The following ERCC6L variants were observed in gnomAD, a reference collection of about 807,000 sequenced individuals.
ERCC6L encodes DNA excision repair protein ERCC-6-like.
A neutral mutation model predicts 20.1 loss-of-function variants in ERCC6L; 7 were observed. That is an observed-to-expected ratio of 0.35 (90% CI 0.20 to 0.65). The LOEUF is 0.65. ERCC6L is among the 30% of genes least tolerant of loss of function. The pLI is 0.69. For missense variants in ERCC6L, 592 were observed against 892.4 expected, an observed-to-expected ratio of 0.66 and a Z score of 4.29; for synonymous variants, 278 against 331.3, an observed-to-expected ratio of 0.84 and a Z score of 1.75.
chrX:72,230,743 C>G (rs1365679106), intron 1 of ERCC6L, among the ~76,000 whole-genome samples: 1 of 111,657 alleles, frequency 9.0e-6, no homozygotes, highest in Non-Finnish European at 1.9e-5. Context: ...GTGGGCAGAT[C>G]GCTTGAGCTC....
intron 1 of ERCC6L, among the ~76,000 whole-genome samples, chrX:72,221,437 G>T (rs2042922555): frequency 9.0e-6 from 1 of 110,552 alleles, no homozygotes; most frequent in Admixed American, 9.7e-5. Context: ...GAGGACGCCG[G>T]GTCTCTGTCT....
Position 72,207,033 on chromosome X carries a change from A to G in ERCC6L, c.1734T>C (p.Asn578=), listed in dbSNP as rs752769595. The part of the protein sequence containing the change: ...DRVYRIGQKE[N]VVVYRLITCG... ...AAGTGATTAGCCTATAAACCACAAC[A>G]TTCTCTTTTTGTCCAATTCGGTAAA... The change falls in exon 2 of 2, where the codon AAT becomes AAC. Residue 578 remains asparagine (N), a synonymous_variant. Coordinates refer to ENST00000334463, the MANE Select transcript of ERCC6L (RefSeq NM_017669.4). 28 of 1,211,662 alleles carry G rather than the reference A, an allele frequency of 2.3e-5. No homozygotes were observed. The highest frequency in any genetic ancestry group is 3.0e-5 in the Non-Finnish European group (27 of 895,463).
rs1447266220 is a variant in ERCC6L at position 72,204,816 on chromosome X, T to A, written c.*198A>T. On this transcript the variant is annotated 3_prime_UTR_variant, in exon 2 of 2. Transcript: ENST00000334463. Reference sequence around the variant, plus strand: ...ATAGAATATGCCTAAAATATAAGAATATTCAAGTGAAGAAATATTAAGCTA... The same window carrying A: ...ATAGAATATGCCTAAAATATAAGAAAATTCAAGTGAAGAAATATTAAGCTA... 9.5e-6 allele frequency: 3 copies of A among 314,300 alleles called. No homozygotes were observed. The highest frequency in any genetic ancestry group is 1.6e-5 in the Non-Finnish European group (3 of 182,500). 25.9% of individuals were successfully genotyped at this position (314,300 alleles called of 1,213,427 possible).
intron 1 of ERCC6L, among the ~76,000 whole-genome samples, chrX:72,218,555 A>C (rs1352016893): frequency 9.4e-5 from 10 of 106,054 alleles, no homozygotes; most frequent in African/African-American, 3.5e-4. Context: ...GTGCAGTGGC[A>C]CGGTCTTGGT....
intron 1 of ERCC6L, among the ~76,000 whole-genome samples, chrX:72,218,497 T>C (rs181262380): frequency 0.019 from 1,972 of 103,367 alleles, 57 homozygotes; most frequent in African/African-American, 0.066. Context: ...TTCTTTCTCT[T>C]TTTTTTTTTT....
chrX:72,230,867 A>G (rs1341519206), intron 1 of ERCC6L, among the ~76,000 whole-genome samples: 1 of 111,634 alleles, frequency 9.0e-6, no homozygotes, highest in Non-Finnish European at 1.9e-5. Flanking sequence ...TGGGGGGCTG[A>G]GGTGGGAGGA....
chrX:72,237,783 A>C (rs2147608356), intron 1 of ERCC6L: 1 of 110,178 alleles, frequency 9.1e-6, no homozygotes, highest in East Asian at 2.9e-4. Flanking sequence ...AATATATATA[A>C]AACAACAATA....
At chrX:72,231,968 C>T (rs111649018) in intron 1 of ERCC6L, among the ~76,000 whole-genome samples, 2 of 110,125 alleles carry the variant, frequency 1.8e-5, no homozygotes, top group Non-Finnish European at 3.8e-5. Context: ...AATCCCAGCA[C>T]ATTTGGAAGC....
chrX:72,238,979 G>GGAGCTTA lies in ERCC6L; in HGVS notation c.-75_-69dup. ...GCTTGGAGCTTGGAGCTTGGAGCTT[G>GGAGCTTA]GAGCTTAGAGTTTGGAGCTTGAATT... On this transcript the variant is annotated 5_prime_UTR_variant, in exon 1 of 2. It introduces an in-frame stop codon into an upstream open reading frame of the 5' UTR. Transcript: ENST00000334463. The GGAGCTTA allele has an allele frequency of 9.8e-7, 1 of 1,024,900 alleles. No individual in the cohort carries two copies. Among genetic ancestry groups the GGAGCTTA allele is most frequent in the Non-Finnish European group, 1.3e-6 (1 of 745,794 alleles). The allele number at this position is 1,024,900 out of a possible 1,213,427, so 84.5% of individuals were successfully genotyped here.
chrX:72,205,495 C>G lies in ERCC6L; in HGVS notation c.3272G>C (p.Arg1091Thr), dbSNP rs1054753460. Residue 1091 changes from arginine to threonine, a missense_variant, in exon 2 of 2, where the codon AGA becomes ACA. By Grantham distance (71) the Arg-to-Thr change is moderately conservative. Coordinates refer to ENST00000334463, the MANE Select transcript of ERCC6L (RefSeq NM_017669.4). ...SSVNKSMNSR[R>T]SLASRRSLIN... The stretch of plus-strand genomic sequence containing the variant: ...AAGAGACCTCCTAGAAGCCAGAGAT[C>G]TTCTAGAGTTCATAGACTTATTTAC... 1 of 1,211,629 alleles carries G rather than the reference C, an allele frequency of 8.3e-7. No homozygotes were observed. The highest frequency in any genetic ancestry group is 1.1e-6 in the Non-Finnish European group (1 of 895,414).
chrX:72,232,905 C>A (rs2042993711), intron 1 of ERCC6L, among the ~76,000 whole-genome samples: 1 of 110,271 alleles, frequency 9.1e-6, no homozygotes, highest in African/African-American at 3.3e-5. Context: ...GAGTTCAAGA[C>A]CAGCCTGGGC....
intron 1 of ERCC6L, among the ~76,000 whole-genome samples, chrX:72,210,062 A>AG (rs749054987): frequency 2.8e-5 from 3 of 108,598 alleles, no homozygotes; most frequent in Non-Finnish European, 3.8e-5. Context: ...AAGCAACCAG[A>AG]GGGGGGGAAG....
At chrX:72,227,341 G>A (rs936380339) in intron 1 of ERCC6L, among the ~76,000 whole-genome samples, 6 of 111,413 alleles carry the variant, frequency 5.4e-5, no homozygotes, top group African/African-American at 1.3e-4. Flanking sequence ...ATCCTCTATC[G>A]ACCTCAATCT....
chrX:72,226,998 G>T (rs929311063), intron 1 of ERCC6L, among the ~76,000 whole-genome samples: 3 of 111,787 alleles, frequency 2.7e-5, no homozygotes, highest in African/African-American at 6.5e-5. Context: ...CTTGCCAAAA[G>T]GCTTCACCCT....
intron 1 of ERCC6L, among the ~76,000 whole-genome samples, chrX:72,215,146 G>A (rs1230159144): frequency 1.8e-5 from 2 of 112,234 alleles, no homozygotes; most frequent in African/African-American, 6.5e-5. Context: ...TAGCAACAGT[G>A]TGATTTCACT....
At position 72,204,867 on chromosome X, in the gene ERCC6L, T is replaced by C; in HGVS notation, c.*147A>G. On this transcript the variant is annotated 3_prime_UTR_variant, in exon 2 of 2. Coordinates refer to ENST00000334463, the MANE Select transcript of ERCC6L (RefSeq NM_017669.4). ...GTGCTCAGAATACCAGACTATGGAG[T>C]GGGGGGCGTTGCAGGGCAGAAGTTG... The C allele has an allele frequency of 1.0e-5, 4 of 398,383 alleles. No homozygotes were observed. Among genetic ancestry groups the C allele is most frequent in the Non-Finnish European group, 1.7e-5 (4 of 236,154 alleles). 32.8% of individuals were successfully genotyped at this position (398,383 alleles called of 1,213,427 possible). A position where few individuals can be genotyped will look rare whatever the true frequency, so the allele number is the denominator to read the frequency against.
chrX:72,221,771 T>C (rs759741892), intron 1 of ERCC6L, among the ~76,000 whole-genome samples: 10 of 110,338 alleles, frequency 9.1e-5, no homozygotes, highest in Non-Finnish European at 1.3e-4. Flanking sequence ...GGCTTTCTTC[T>C]ACCTTAGCTC....
intron 1 of ERCC6L, among the ~76,000 whole-genome samples, chrX:72,212,921 G>A (rs1215817041): frequency 9.0e-6 from 1 of 111,661 alleles, no homozygotes; most frequent in Non-Finnish European, 1.9e-5. Flanking sequence ...ACTCCAGCCT[G>A]GGCTACAGAG....
At chrX:72,210,320 A>T (rs1569490302) in intron 1 of ERCC6L, among the ~76,000 whole-genome samples, 1 of 111,156 alleles carries the variant, frequency 9.0e-6, no homozygotes, top group Non-Finnish European at 1.9e-5. Context: ...GCAAACCAAA[A>T]CCACAAGGAG....
Sources: gnomAD v4.1 joint callset for allele counts (sites outside exome capture counted in the v4.1 genomes callset) on GRCh38, gnomAD v4.1.1 for gene constraint, MANE v1.5 for transcripts, NCBI Gene and HGNC (gene_info 2026-07-23, HGNC 2026-07-21) for gene names.